GALNT17: variants seen among roughly 807,000 people sequenced by gnomAD.
GALNT17 encodes UDP-GalNAc:polypeptide N-acetylgalactosaminyltransferase-like 3.
GALNT17 carries 29 observed loss-of-function variants against 63.7 expected under a neutral mutation model. The ratio of observed to expected loss-of-function variants is 0.46; its 90% CI spans 0.34 to 0.62. The LOEUF (loss-of-function observed/expected upper bound fraction) is 0.62. Ranked by LOEUF, GALNT17 falls within the 20% of genes least tolerant of loss-of-function variation. The probability of loss-of-function intolerance (pLI) is 0.01; values close to 1 mark genes in which losing one functional copy is unlikely to be tolerated. For synonymous variants in GALNT17, 305 were observed against 318.3 expected (o/e 0.96, Z 0.45); for missense variants, 603 against 799.6 (o/e 0.75, Z 2.97).
rs1014954513 is a variant in GALNT17 at position 71,535,812 on chromosome 7, CAG to C, written c.963-35470_963-35469del. ...TTCTGGGCCAAGTGTCAAGATCCAACAGAGTCACTTGGCAATTTGACTATTGG... is the reference window on the plus strand; with the variant it reads ...TTCTGGGCCAAGTGTCAAGATCCAACAGTCACTTGGCAATTTGACTATTGG... On this transcript the variant is annotated intron_variant, in intron 5 of 10. Coordinates refer to ENST00000333538, the MANE Select transcript of GALNT17 (RefSeq NM_022479.3). Among the ~76,000 whole-genome samples, 3 of 152,296 alleles carry C rather than the reference CAG, an allele frequency of 2.0e-5. No individual in the cohort carries two copies. In the East Asian group the frequency reaches 5.8e-4, roughly 29 times the overall value.
intron 9 of GALNT17, among the ~76,000 whole-genome samples, chr7:71,698,123 C>CAAAAA (rs10708106): frequency 8.4e-5 from 9 of 107,588 alleles, no homozygotes; most frequent in Non-Finnish European, 1.6e-4. Context: ...GACTCTGTCT[C>CAAAAA]AAAAAAAAAA....
chr7:71,456,592 C>T (rs984576146), intron 5 of GALNT17, among the ~76,000 whole-genome samples: 2 of 151,576 alleles, frequency 1.3e-5, no homozygotes, highest in Middle Eastern at 3.4e-3. Flanking sequence ...GGCATGGTGG[C>T]GGACGCCTGT....
chr7:71,161,933 T>A (rs1437008363), intron 1 of GALNT17, among the ~76,000 whole-genome samples: 1 of 151,402 alleles, frequency 6.6e-6, no homozygotes, highest in Non-Finnish European at 1.5e-5. Context: ...TCGTCTTCCC[T>A]TCTCTTCCCC....
Position 71,378,933 on chromosome 7 carries a change from T to C in GALNT17, c.423-9302T>C, listed in dbSNP as rs139312647. On this transcript the variant is annotated intron_variant, in intron 2 of 10. Coordinates refer to ENST00000333538, the MANE Select transcript of GALNT17 (RefSeq NM_022479.3). ...AGGAGGATTGCTTGCACCCTGGAGG[T>C]CAAGGCTGCAGTGAGCTATGATTGT... Among the ~76,000 whole-genome samples, 224 of 152,212 alleles carry C rather than the reference T, an allele frequency of 1.5e-3. 2 individuals are homozygous for C. Among genetic ancestry groups the C allele is most frequent in the African/African-American group, 5.3e-3 (219 of 41,528 alleles).
intron 2 of GALNT17, among the ~76,000 whole-genome samples, chr7:71,378,848 A>G (rs1792792068): frequency 6.6e-6 from 1 of 151,956 alleles, no homozygotes; most frequent in Non-Finnish European, 1.5e-5. Context: ...ATAAATAAAA[A>G]TAAATTAGCC....
rs995063336 is a variant in GALNT17 at position 71,523,315 on chromosome 7, G to T, written c.963-47970G>T. ...GTGGTGGCGCACGCCTGTGGCCCCAGCTACTCAGGAAGCTGAGGTGGGAGA... is the reference window on the plus strand; with the variant it reads ...GTGGTGGCGCACGCCTGTGGCCCCATCTACTCAGGAAGCTGAGGTGGGAGA... On this transcript the variant is annotated intron_variant, in intron 5 of 10. Transcript: ENST00000333538. Among the ~76,000 whole-genome samples the T allele has an allele frequency of 2.6e-5, 4 of 152,190 alleles. No individual in the cohort carries two copies. The South Asian group carries it at 8.3e-4, about 31-fold the overall frequency.
At chr7:71,322,804 A>G (rs1791640692) in intron 1 of GALNT17, among the ~76,000 whole-genome samples, 3 of 152,178 alleles carry the variant, frequency 2.0e-5, no homozygotes, top group Non-Finnish European at 4.4e-5. Flanking sequence ...TATAGCAAGA[A>G]TGAGGCCATC....
intron 1 of GALNT17, among the ~76,000 whole-genome samples, chr7:71,267,261 C>A (rs776067588): frequency 6.6e-6 from 1 of 152,152 alleles, no homozygotes; most frequent in Non-Finnish European, 1.5e-5. Context: ...TTGCGAGCTG[C>A]GCAATTGGCT....
Position 71,658,819 on chromosome 7 carries a change from C to T in GALNT17, c.1081-6592C>T, listed in dbSNP as rs571094162. 8.0e-4 allele frequency among the ~76,000 whole-genome samples: 121 copies of T among 151,856 alleles called. 1 individual carries two copies. Among genetic ancestry groups the T allele is most frequent in the African/African-American group, 2.0e-3 (81 of 41,422 alleles). Reference sequence around the variant, plus strand: ...AGGAAAATAGTTTGAATCTGGGAGGCGGAGGTTGCGGTGAGCCAAGATCAT... The same window carrying T: ...AGGAAAATAGTTTGAATCTGGGAGGTGGAGGTTGCGGTGAGCCAAGATCAT... On this transcript the variant is annotated intron_variant, in intron 6 of 10. Transcript: ENST00000333538.
chr7:71,321,270 C>A (rs1185782545), intron 1 of GALNT17, among the ~76,000 whole-genome samples: 1 of 152,228 alleles, frequency 6.6e-6, no homozygotes. Context: ...TTTCATCCAT[C>A]TGCTCTGAGA....
intron 1 of GALNT17, among the ~76,000 whole-genome samples, chr7:71,199,966 TTGAGA>T (rs984943548): frequency 1.2e-4 from 18 of 152,260 alleles, no homozygotes; most frequent in Admixed American, 3.9e-4. Flanking sequence ...TTCTAGTGAG[TTGAGA>T]TAATAGTTAA....
chr7:71,624,342 A>G (rs920460190), intron 6 of GALNT17, among the ~76,000 whole-genome samples: 4 of 152,226 alleles, frequency 2.6e-5, no homozygotes, highest in East Asian at 1.9e-4. Context: ...AAACCACAGC[A>G]GAAGAGCATA....
intron 9 of GALNT17, among the ~76,000 whole-genome samples, chr7:71,704,118 A>G (rs770342854): frequency 3.9e-5 from 6 of 152,182 alleles, no homozygotes; most frequent in Admixed American, 6.5e-5. Context: ...GCTGTGTGAA[A>G]GCAAAGACCA....
chr7:71,398,874 A>G (rs1251956646), intron 3 of GALNT17, among the ~76,000 whole-genome samples: 1 of 152,218 alleles, frequency 6.6e-6, no homozygotes, highest in Non-Finnish European at 1.5e-5. Context: ...CTGATCAGAC[A>G]TTGTGCACTT....
At chr7:71,597,516 T>TA in intron 6 of GALNT17, among the ~76,000 whole-genome samples, 1 of 149,850 alleles carries the variant, frequency 6.7e-6, no homozygotes, top group African/African-American at 2.4e-5. Context: ...CTTAAAAGAG[T>TA]AATAAATAAA....
intron 5 of GALNT17, among the ~76,000 whole-genome samples, chr7:71,570,491 G>A (rs572055231): frequency 6.6e-6 from 1 of 152,120 alleles, no homozygotes; most frequent in South Asian, 2.1e-4. Flanking sequence ...CCTGGGGTGG[G>A]GAGTGGTGCA....
intron 1 of GALNT17, among the ~76,000 whole-genome samples, chr7:71,191,313 ATT>A (rs1278282417): frequency 1.3e-4 from 19 of 151,106 alleles, no homozygotes; most frequent in Admixed American, 1.3e-3. Flanking sequence ...ATGCATATAT[ATT>A]CTTTTGTCTC....
intron 1 of GALNT17, among the ~76,000 whole-genome samples, chr7:71,253,426 A>G (rs1288796189): frequency 6.6e-6 from 1 of 152,086 alleles, no homozygotes; most frequent in East Asian, 1.9e-4. Context: ...CTCCCACGGG[A>G]TCCCTCCTAC....
chr7:71,669,896 A>G, intron 7 of GALNT17, 76 bp from the exon 8 acceptor site: 1 of 1,561,952 alleles, frequency 6.4e-7, no homozygotes. Context: ...GTTTCCCTGA[A>G]AGTGACTCCA....
Sources: gnomAD v4.1 joint callset for allele counts (sites outside exome capture counted in the v4.1 genomes callset) on GRCh38, gnomAD v4.1.1 for gene constraint, MANE v1.5 for transcripts, NCBI Gene and HGNC (gene_info 2026-07-23, HGNC 2026-07-21) for gene names.